Variants in CDKAL1 observed in about 807,000 individuals in gnomAD.
The protein encoded by CDKAL1 is CDKAL1 threonylcarbamoyladenosine tRNA methylthiotransferase.
Under a neutral mutation model 68.2 loss-of-function variants are expected in CDKAL1, and 32 were observed. The observed-to-expected ratio is 0.47, with a 90% CI of 0.35 to 0.63. The LOEUF is 0.63. Ranked by LOEUF, CDKAL1 falls within the 30% of genes least tolerant of loss-of-function variation. The probability of loss-of-function intolerance (pLI) is 0.00; values close to 1 mark genes in which losing one functional copy is unlikely to be tolerated. For missense variants in CDKAL1, 606 were observed against 696.7 expected, an observed-to-expected ratio of 0.87 and a Z score of 1.47; for synonymous variants, 234 against 244.3, an observed-to-expected ratio of 0.96 and a Z score of 0.39.
chr6:20,730,566 C>A (rs1474325039), intron 5 of CDKAL1, among the ~76,000 whole-genome samples: 2 of 151,778 alleles, frequency 1.3e-5, no homozygotes, highest in African/African-American at 2.4e-5. Flanking sequence ...AGAAATAGGC[C>A]AGGTGTGGTG....
intron 7 of CDKAL1, among the ~76,000 whole-genome samples, chr6:20,763,674 T>C (rs760540731): frequency 6.6e-6 from 1 of 152,214 alleles, no homozygotes; most frequent in Non-Finnish European, 1.5e-5. Context: ...TTCTTATTGC[T>C]GCTTATGTTA....
rs1431984374 is a variant in CDKAL1 at position 20,998,563 on chromosome 6, A to G, written c.910-1664A>G. Among the ~76,000 whole-genome samples the G allele has an allele frequency of 2.6e-5, 4 of 151,882 alleles. No individual in the cohort carries two copies. In the East Asian group the frequency reaches 5.8e-4, roughly 22 times the overall value. ...GAGGTGGAGGTGGCAGTGAGCTGAG[A>G]TCGCGCCAGTGCACTCCAGCCTGGG... On this transcript the variant is annotated intron_variant, in intron 10 of 15. Coordinates refer to ENST00000274695, the MANE Select transcript of CDKAL1 (RefSeq NM_017774.3).
intron 9 of CDKAL1, among the ~76,000 whole-genome samples, chr6:20,865,653 T>C (rs1271305499): frequency 6.6e-6 from 1 of 152,038 alleles, no homozygotes; most frequent in Non-Finnish European, 1.5e-5. Context: ...TCTGTTCTTA[T>C]CAAATTTTGA....
chr6:21,081,389 A>G (rs1047531896), intron 12 of CDKAL1, among the ~76,000 whole-genome samples: 5 of 152,098 alleles, frequency 3.3e-5, no homozygotes, highest in African/African-American at 1.2e-4. Flanking sequence ...ACCTTGTTTT[A>G]TACAAGTTTC....
Position 21,164,060 on chromosome 6 carries a change from A to G in CDKAL1, c.1300-33961A>G, listed in dbSNP as rs537170042. On this transcript the variant is annotated intron_variant, in intron 13 of 15. Coordinates refer to ENST00000274695, the MANE Select transcript of CDKAL1 (RefSeq NM_017774.3). ...ACCTAGCTCCAGAATGACCTATTCCACTGCTCCTAATTGTTGGTCTACTAA... is the reference window on the plus strand; with the variant it reads ...ACCTAGCTCCAGAATGACCTATTCCGCTGCTCCTAATTGTTGGTCTACTAA... Among the ~76,000 whole-genome samples the G allele has an allele frequency of 3.9e-5, 6 of 152,136 alleles. No individual in the cohort carries two copies. In the East Asian group the frequency reaches 9.6e-4, roughly 24 times the overall value.
At chr6:21,037,186 AC>A (rs1277464636) in intron 11 of CDKAL1, among the ~76,000 whole-genome samples, 1 of 152,122 alleles carries the variant, frequency 6.6e-6, no homozygotes, top group Non-Finnish European at 1.5e-5. Context: ...AAGGCCTAGA[AC>A]CCCACAAGCT....
intron 14 of CDKAL1, 84 bp from the exon 15 acceptor site, chr6:21,201,026 T>C: frequency 7.9e-7 from 1 of 1,273,766 alleles, no homozygotes; most frequent in East Asian, 2.4e-5. Context: ...ATACTATCTT[T>C]GCAATAATTC....
At chr6:20,565,502 CA>C (rs1315991725) in intron 4 of CDKAL1, among the ~76,000 whole-genome samples, 2 of 152,018 alleles carry the variant, frequency 1.3e-5, no homozygotes, top group Non-Finnish European at 2.9e-5. Flanking sequence ...AGTGAAGGCA[CA>C]GTTGGCAGTT....
intron 11 of CDKAL1, among the ~76,000 whole-genome samples, chr6:21,022,961 T>TC (rs1364760115): frequency 1.8e-4 from 28 of 152,192 alleles, no homozygotes; most frequent in African/African-American, 6.5e-4. Context: ...TTACATTGCA[T>TC]CAGCATTAAT....
intron 11 of CDKAL1, among the ~76,000 whole-genome samples, chr6:21,026,998 C>T (rs371647357): frequency 1.8e-3 from 272 of 152,282 alleles, no homozygotes; most frequent in Middle Eastern, 6.8e-3. Flanking sequence ...CTGGCTTCTA[C>T]CTGCCCTGGA....
At position 21,103,063 on chromosome 6, in the gene CDKAL1, T is replaced by C. The variant is rs532382252; in HGVS notation, c.1237-5338T>C. 8.5e-5 allele frequency among the ~76,000 whole-genome samples: 13 copies of C among 152,346 alleles called. No individual in the cohort carries two copies. In the East Asian group the frequency reaches 2.5e-3, roughly 29 times the overall value. On this transcript the variant is annotated intron_variant, in intron 12 of 15. Coordinates refer to ENST00000274695, the MANE Select transcript of CDKAL1 (RefSeq NM_017774.3). ...CTTTGAAAACTTGTAGGCTTTATCA[T>C]TTTTAAGAATCCGTATGTAGAAATG...
chr6:20,951,599 A>C (rs888884222), intron 9 of CDKAL1, among the ~76,000 whole-genome samples: 1 of 152,154 alleles, frequency 6.6e-6, no homozygotes. Context: ...TCATAGCTAA[A>C]CTTAAGGCTT....
intron 12 of CDKAL1, among the ~76,000 whole-genome samples, chr6:21,076,096 T>A (rs1198274107): frequency 6.6e-6 from 1 of 152,128 alleles, no homozygotes; most frequent in Non-Finnish European, 1.5e-5. Context: ...ACTTTTACCC[T>A]TAAGAAAGAA....
At chr6:20,755,297 C>A (rs1774119491) in intron 6 of CDKAL1, among the ~76,000 whole-genome samples, 1 of 152,138 alleles carries the variant, frequency 6.6e-6, no homozygotes, top group African/African-American at 2.4e-5. Context: ...ACATCAGTTC[C>A]AGCAGTCATC....
intron 9 of CDKAL1, among the ~76,000 whole-genome samples, chr6:20,928,051 C>G (rs970096735): frequency 6.6e-6 from 1 of 152,050 alleles, no homozygotes; most frequent in Non-Finnish European, 1.5e-5. Flanking sequence ...TAGCTTTAAC[C>G]AACTATTTCA....
chr6:21,184,204 T>C (rs1305607362), intron 13 of CDKAL1, among the ~76,000 whole-genome samples: 1 of 151,800 alleles, frequency 6.6e-6, no homozygotes, highest in Non-Finnish European at 1.5e-5. Flanking sequence ...ACCTTTTTTT[T>C]TTTTTTTTGA....
chr6:20,987,395 T>C (rs1766525066), intron 10 of CDKAL1, among the ~76,000 whole-genome samples: 1 of 151,820 alleles, frequency 6.6e-6, no homozygotes, highest in East Asian at 1.9e-4. Flanking sequence ...GCTGGGACTA[T>C]AGGTGTGCAC....
At chr6:20,981,471 G>C (rs561519423) in intron 10 of CDKAL1, among the ~76,000 whole-genome samples, 1 of 152,112 alleles carries the variant, frequency 6.6e-6, no homozygotes, top group Non-Finnish European at 1.5e-5. Flanking sequence ...CTGATGAATC[G>C]TGCCCATTAG....
intron 9 of CDKAL1, among the ~76,000 whole-genome samples, chr6:20,943,131 A>G (rs553347385): frequency 4.0e-5 from 6 of 150,652 alleles, no homozygotes; most frequent in African/African-American, 9.8e-5. Flanking sequence ...TATTGAGTTC[A>G]CTCAGCTTTG....
Sources: allele counts gnomAD v4.1 joint callset (sites outside exome capture counted in the v4.1 genomes callset), GRCh38; gene constraint gnomAD v4.1.1; transcripts MANE v1.5; gene names NCBI Gene and HGNC (gene_info 2026-07-23, HGNC 2026-07-21).